Variants in CDH9 observed in about 807,000 individuals in gnomAD.
The protein encoded by CDH9 is cadherin-9.
In CDH9, 28 loss-of-function variants were observed where a neutral mutation model predicts 70.9. That is an observed-to-expected ratio of 0.40 (90% confidence interval 0.29 to 0.54). CDH9 has a LOEUF of 0.54. Among genes scored for constraint, CDH9 ranks in the 20% least tolerant of loss-of-function variants. The pLI is 0.59. For synonymous variants in CDH9, 409 were observed against 343.1 expected, an observed-to-expected ratio of 1.19 and a Z score of -2.12; for missense variants, 874 against 984.4, an observed-to-expected ratio of 0.89 and a Z score of 1.50.
intron 1 of CDH9, among the ~76,000 whole-genome samples, chr5:27,012,438 G>A (rs1404076267): frequency 2.0e-5 from 3 of 151,848 alleles, no homozygotes; most frequent in African/African-American, 7.3e-5. Flanking sequence ...GAAAACACCA[G>A]CAGAATTCCG....
intron 2 of CDH9, among the ~76,000 whole-genome samples, chr5:26,963,577 C>A (rs561197463): frequency 1.5e-4 from 23 of 151,882 alleles, no homozygotes; most frequent in African/African-American, 5.1e-4. Context: ...CCACCATTGA[C>A]CTTCTTTCAA....
chr5:26,923,069 T>TAAAAAAAAAAAAAAAA (rs56883597), intron 2 of CDH9, among the ~76,000 whole-genome samples: 1 of 95,056 alleles, frequency 1.1e-5, no homozygotes. Context: ...TTACATGAAT[T>TAAAAAAAAAAAAAAAA]AAAAAAAAAA....
chr5:26,925,761 T>C (rs1234997084), intron 2 of CDH9, among the ~76,000 whole-genome samples: 2 of 152,150 alleles, frequency 1.3e-5, no homozygotes, highest in African/African-American at 4.8e-5. Flanking sequence ...TGCAGTTTTC[T>C]ACATATGGCT....
In CDH9 at chr5:26,881,192, G is replaced by A. The variant is rs1404310613; in HGVS notation, c.2314C>T (p.Pro772Ser). 2 of 1,612,728 alleles carry A rather than the reference G, an allele frequency of 1.2e-6. No homozygotes were observed. Among genetic ancestry groups the A allele is most frequent in the South Asian group, 2.2e-5 (2 of 90,984 alleles). Reference protein sequence around the residue: ...QDYDYLSDWGPRFKKLADMYG... With the variant: ...QDYDYLSDWGSRFKKLADMYG... ...ATATCGGCAAGTTTTTTGAAACGAG[G>A]CCCCCAGTCACTGAGGTAATCATAA... Residue 772 changes from proline (P) to serine (S), a missense_variant, in exon 12 of 12, where the codon CCT (proline) becomes TCT (serine). Coordinates refer to ENST00000231021, the MANE Select transcript of CDH9 (RefSeq NM_016279.4).
chr5:26,890,790 TTA>T (rs1740646966), intron 7 of CDH9: 1 of 424,624 alleles, frequency 2.4e-6, no homozygotes, highest in African/African-American at 2.0e-5. Flanking sequence ...GAACTGTTAT[TTA>T]TACACATGAA....
rs1274224515 is a variant in CDH9, at chr5:26,880,974, C to T, written c.*162G>A. The T allele has an allele frequency of 1.7e-6, 1 of 577,962 alleles. No homozygotes were observed. The highest frequency in any genetic ancestry group is 3.0e-6 in the Non-Finnish European group (1 of 336,520). 35.8% of individuals were successfully genotyped at this position (577,962 alleles called of 1,614,324 possible). A position where few individuals can be genotyped will look rare whatever the true frequency, so the allele number is the denominator to read the frequency against. ...AAAATCTGTATCATTCGTATTCATTCACAAAGACTTACTGATTAAGCAAAT... is the reference window on the plus strand; with the variant it reads ...AAAATCTGTATCATTCGTATTCATTTACAAAGACTTACTGATTAAGCAAAT... On this transcript the variant is annotated 3_prime_UTR_variant, in exon 12 of 12. Transcript: ENST00000231021.
intron 1 of CDH9, among the ~76,000 whole-genome samples, chr5:27,008,242 T>C (rs1742900365): frequency 6.6e-6 from 1 of 152,086 alleles, no homozygotes. Flanking sequence ...ACGCCTGTAA[T>C]CCCAGCATTT....
chr5:26,954,597 G>A (rs1291918383), intron 2 of CDH9, among the ~76,000 whole-genome samples: 1 of 151,504 alleles, frequency 6.6e-6, no homozygotes, highest in Admixed American at 6.6e-5. Flanking sequence ...TGTTAGCCAG[G>A]ATGGTCTCAA....
intron 2 of CDH9, among the ~76,000 whole-genome samples, chr5:26,916,388 C>T (rs144721938): frequency 6.6e-6 from 1 of 152,048 alleles, no homozygotes; most frequent in East Asian, 1.9e-4. Context: ...ATTTTATTCT[C>T]CTTCAGTACA....
intron 2 of CDH9, among the ~76,000 whole-genome samples, chr5:26,960,735 C>A (rs186992962): frequency 3.1e-3 from 478 of 151,962 alleles, no homozygotes; most frequent in African/African-American, 0.011. Context: ...TTTCTAGAAT[C>A]TTTCAGTAGC....
At chr5:26,891,636 C>A (rs1051956985) in intron 7 of CDH9, among the ~76,000 whole-genome samples, 1 of 152,010 alleles carries the variant, frequency 6.6e-6, no homozygotes, top group African/African-American at 2.4e-5. Flanking sequence ...CGAGATGGCA[C>A]CACTGCACTC....
chr5:26,886,913 T>C (rs747601452), intron 9 of CDH9, among the ~76,000 whole-genome samples: 16 of 152,186 alleles, frequency 1.1e-4, no homozygotes, highest in Admixed American at 7.2e-4. Context: ...ATCACAGCCA[T>C]TTAATTACTC....
intron 1 of CDH9, among the ~76,000 whole-genome samples, chr5:27,023,749 T>G (rs983055251): frequency 1.3e-5 from 2 of 152,066 alleles, no homozygotes; most frequent in South Asian, 4.1e-4. Flanking sequence ...TTAACATTTT[T>G]ATTTAAAAAT....
chr5:26,976,666 C>T (rs1016687601), intron 2 of CDH9, among the ~76,000 whole-genome samples: 9 of 152,134 alleles, frequency 5.9e-5, no homozygotes, highest in African/African-American at 2.2e-4. Flanking sequence ...TCTTGAACTC[C>T]TGAGCTCAAG....
intron 7 of CDH9, among the ~76,000 whole-genome samples, chr5:26,893,897 G>T (rs1740703422): frequency 6.6e-6 from 1 of 151,988 alleles, no homozygotes; most frequent in Non-Finnish European, 1.5e-5. Flanking sequence ...CCTACCTATA[G>T]GTTTCAACCC....
At chr5:26,949,060 T>C (rs1161032850) in intron 2 of CDH9, among the ~76,000 whole-genome samples, 13 of 152,202 alleles carry the variant, frequency 8.5e-5, no homozygotes, top group Non-Finnish European at 1.8e-4. Flanking sequence ...TACCTAGTAC[T>C]GATGTCATTG....
intron 2 of CDH9, among the ~76,000 whole-genome samples, chr5:26,975,921 C>T (rs1395945108): frequency 6.6e-6 from 1 of 152,140 alleles, no homozygotes; most frequent in Non-Finnish European, 1.5e-5. Context: ...AAGCCTGAGA[C>T]AGTGGTAAGA....
intron 11 of CDH9, among the ~76,000 whole-genome samples, chr5:26,882,416 T>C (rs1740483015): frequency 6.6e-6 from 1 of 152,132 alleles, no homozygotes; most frequent in Non-Finnish European, 1.5e-5. Context: ...TACATGTCTA[T>C]GTTACATAGT....
chr5:26,947,363 G>A (rs1741772017), intron 2 of CDH9, among the ~76,000 whole-genome samples: 1 of 152,136 alleles, frequency 6.6e-6, no homozygotes, highest in Non-Finnish European at 1.5e-5. Flanking sequence ...CTGTTACAGA[G>A]GGTGGTGGCC....
Sources: gnomAD v4.1 joint callset for allele counts (sites outside exome capture counted in the v4.1 genomes callset) on GRCh38, gnomAD v4.1.1 for gene constraint, MANE v1.5 for transcripts, NCBI Gene and HGNC (gene_info 2026-07-23, HGNC 2026-07-21) for gene names.